The following FMN2 variants were observed in gnomAD, a reference collection of about 807,000 sequenced individuals.
The protein encoded by FMN2 is formin 2.
A neutral mutation model predicts 142.3 loss-of-function variants in FMN2; 51 were observed. That is an observed-to-expected ratio of 0.36 (90% CI 0.29 to 0.45). The LOEUF is 0.45. FMN2 is among the 20% of genes least tolerant of loss of function. FMN2 has a pLI of 1.00. For missense variants in FMN2, 1,936 were observed against 2,122.8 expected, an observed-to-expected ratio of 0.91 and a Z score of 1.73; for synonymous variants, 882 against 869.8, an observed-to-expected ratio of 1.01 and a Z score of -0.25.
chr1:240,267,217 C>G (rs1249647521), intron 7 of FMN2, among the ~76,000 whole-genome samples: 1 of 151,920 alleles, frequency 6.6e-6, no homozygotes, highest in East Asian at 1.9e-4. Context: ...GGTCTTTTAT[C>G]CAGCACCTAC....
At chr1:240,190,071 A>G (rs1294017611) in intron 4 of FMN2, among the ~76,000 whole-genome samples, 2 of 152,244 alleles carry the variant, frequency 1.3e-5, no homozygotes, top group African/African-American at 4.8e-5. Context: ...ATATTATGCT[A>G]TTTCAAGATA....
intron 2 of FMN2, chr1:240,145,418 T>C: frequency 2.1e-6 from 1 of 465,732 alleles, no homozygotes. Flanking sequence ...CATGGATACA[T>C]AGTAATATAT....
intron 15 of FMN2, among the ~76,000 whole-genome samples, chr1:240,429,909 A>C (rs1394196266): frequency 6.9e-6 from 1 of 145,244 alleles, no homozygotes; most frequent in African/African-American, 2.7e-5. Flanking sequence ...TTTTTGAGGC[A>C]GAGTCTCGCT....
intron 8 of FMN2, among the ~76,000 whole-genome samples, chr1:240,299,950 C>T (rs1670140200): frequency 6.6e-6 from 1 of 152,144 alleles, no homozygotes; most frequent in Non-Finnish European, 1.5e-5. Flanking sequence ...TGTATGAAGG[C>T]ACATTTGTGG....
intron 1 of FMN2, among the ~76,000 whole-genome samples, chr1:240,100,623 A>G (rs1661379502): frequency 6.6e-6 from 1 of 152,220 alleles, no homozygotes; most frequent in African/African-American, 2.4e-5. Context: ...TATCCTTTTG[A>G]TACCTACTGC....
At chr1:240,372,602 G>T (rs1672906644) in intron 14 of FMN2, among the ~76,000 whole-genome samples, 1 of 149,794 alleles carries the variant, frequency 6.7e-6, no homozygotes, top group South Asian at 2.1e-4. Context: ...TATGTTAAAG[G>T]AAAACCAAAC....
chr1:240,270,815 T>C (rs1436134006), intron 7 of FMN2, among the ~76,000 whole-genome samples: 1 of 151,464 alleles, frequency 6.6e-6, no homozygotes, highest in East Asian at 1.9e-4. Flanking sequence ...GAAAGTAGAG[T>C]GGTGGTTACT....
intron 15 of FMN2, among the ~76,000 whole-genome samples, chr1:240,434,435 C>G (rs1446598906): frequency 3.3e-5 from 5 of 152,120 alleles, no homozygotes; most frequent in African/African-American, 1.2e-4. Flanking sequence ...TGAGGGCTAC[C>G]TAATGCCGGA....
At chr1:240,343,308 ATCCTCTC>A (rs1243786077) in intron 13 of FMN2, among the ~76,000 whole-genome samples, 3 of 152,296 alleles carry the variant, frequency 2.0e-5, no homozygotes, top group Non-Finnish European at 2.9e-5. Flanking sequence ...AGGATCATTA[ATCCTCTC>A]TTTAGTGATT....
Position 240,211,097 on chromosome 1 carries a change from C to T in FMN2, c.3927C>T (p.Ser1309=), listed in dbSNP as rs1400040957. Reference sequence around the variant, plus strand: ...TTCTTTTGCTTAATTTTAGAGACTCCAGTACTTCACTTATTTGGGAAAAAA... The same window carrying T: ...TTCTTTTGCTTAATTTTAGAGACTCTAGTACTTCACTTATTTGGGAAAAAA... ...TRIQLHSKRD[S]STSLIWEKIE... The change falls in exon 6 of 18, where the codon TCC becomes TCT. Residue 1309 remains serine, a synonymous_variant. Coordinates refer to ENST00000319653, the MANE Select transcript of FMN2 (RefSeq NM_020066.5). 15 of 1,611,132 alleles carry T rather than the reference C, an allele frequency of 9.3e-6. No individual in the cohort carries two copies. Among genetic ancestry groups the T allele is most frequent in the African/African-American group, 1.3e-5 (1 of 74,584 alleles).
chr1:240,317,901 G>T (rs867324757), intron 8 of FMN2, among the ~76,000 whole-genome samples: 1 of 152,038 alleles, frequency 6.6e-6, no homozygotes, highest in Non-Finnish European at 1.5e-5. Context: ...TGCATCCCTG[G>T]TATGGTTACT....
chr1:240,312,100 C>G (rs1184183821), intron 8 of FMN2, among the ~76,000 whole-genome samples: 1 of 152,160 alleles, frequency 6.6e-6, no homozygotes, highest in Admixed American at 6.5e-5. Flanking sequence ...TGGCCATTTA[C>G]TTTTTGTAGG....
chr1:240,439,263 G>C (rs1451289256), intron 16 of FMN2, among the ~76,000 whole-genome samples: 13 of 28,640 alleles, frequency 4.5e-4, no homozygotes, highest in African/African-American at 2.0e-3. Flanking sequence ...ACAGAGCAAG[G>C]CTGTCTCAAA....
At chr1:240,374,109 C>A (rs1220667921) in intron 14 of FMN2, among the ~76,000 whole-genome samples, 3 of 152,126 alleles carry the variant, frequency 2.0e-5, no homozygotes, top group African/African-American at 7.2e-5. Flanking sequence ...TGAAAAGAAT[C>A]TTTTTTTCTG....
chr1:240,452,305 A>C (rs764426369), intron 16 of FMN2, among the ~76,000 whole-genome samples: 2 of 152,242 alleles, frequency 1.3e-5, no homozygotes, highest in Non-Finnish European at 2.9e-5. Context: ...CCCAGAAGTG[A>C]AAGTTGACAG....
chr1:240,238,374 G>C (rs1667777519), intron 6 of FMN2, among the ~76,000 whole-genome samples: 1 of 152,180 alleles, frequency 6.6e-6, no homozygotes, highest in Non-Finnish European at 1.5e-5. Flanking sequence ...TGTTCAGCCA[G>C]TGATCTTGGG....
Position 240,093,368 on chromosome 1 carries a change from A to C in FMN2, c.1259A>C (p.Lys420Thr), listed in dbSNP as rs146681532. Residue 420 changes from lysine (K) to threonine (T), a missense_variant, in exon 1 of 18, where the codon AAG (lysine) becomes ACG (threonine). This residue lies in a region of FMN2 where 751 missense variants were observed against 791.8 expected (regional missense o/e 0.95). Coordinates refer to ENST00000319653, the MANE Select transcript of FMN2 (RefSeq NM_020066.5). ...CCGCTCATCACCCCCTGCTACATCA[A>C]GACCACCACCCGGCAGCTCAGCTCG... The part of the protein sequence containing the change: ...PYPLITPCYI[K>T]TTTRQLSSPN... 4.7e-3 allele frequency: 7,624 copies of C among 1,612,976 alleles called. 25 individuals carry two copies. The highest frequency in any genetic ancestry group is 5.7e-3 in the Non-Finnish European group (6,781 of 1,179,568).
chr1:240,255,976 A>G (rs1404622036), intron 6 of FMN2, among the ~76,000 whole-genome samples: 1 of 152,230 alleles, frequency 6.6e-6, no homozygotes, highest in African/African-American at 2.4e-5. Context: ...TCTTCAAAAG[A>G]ACTGAGAAGA....
chr1:240,308,513 A>C (rs912756102), intron 8 of FMN2, among the ~76,000 whole-genome samples: 2 of 152,122 alleles, frequency 1.3e-5, no homozygotes, highest in Non-Finnish European at 2.9e-5. Context: ...TGATAAGCAG[A>C]AAAGAGGGAC....
Sources: allele counts gnomAD v4.1 joint callset (sites outside exome capture counted in the v4.1 genomes callset), GRCh38; gene constraint gnomAD v4.1.1; regional missense constraint gnomAD v4.1.1; transcripts MANE v1.5; gene names NCBI Gene and HGNC (gene_info 2026-07-23, HGNC 2026-07-21).